Variants in IL1RAPL2 observed in about 807,000 individuals in gnomAD.
IL1RAPL2 encodes the protein X-linked interleukin-1 receptor accessory protein-like 2.
IL1RAPL2 carries 3 observed loss-of-function variants against 44.1 expected under a neutral mutation model. The observed-to-expected ratio is 0.07, with a 90% CI of 0.03 to 0.18. The LOEUF (loss-of-function observed/expected upper bound fraction) is 0.18, where lower values mean the gene tolerates loss of function less well. Ranked by LOEUF, IL1RAPL2 falls within the 10% of genes least tolerant of loss-of-function variation. The pLI is 1.00. For synonymous variants in IL1RAPL2, 181 were observed against 178.8 expected (o/e 1.01, Z -0.10); for missense variants, 391 against 496.4 (o/e 0.79, Z 2.02).
In IL1RAPL2 at chrX:105,640,771, GAT is replaced by G. The variant is rs1175653141; in HGVS notation, c.773-76592_773-76591del. On this transcript the variant is annotated intron_variant, in intron 6 of 10. Transcript: ENST00000372582. ...AGATATAGATATAGATATAGATATAGATATAGATATAGATATAGATATAGATA... is the reference window on the plus strand; with the variant it reads ...AGATATAGATATAGATATAGATATAGATAGATATAGATATAGATATAGATA... Among the ~76,000 whole-genome samples, 541 of 92,784 alleles carry G rather than the reference GAT, an allele frequency of 5.8e-3. 4 individuals carry two copies. Among genetic ancestry groups the G allele is most frequent in the African/African-American group, 0.02 (516 of 25,855 alleles). 80.6% of individuals were successfully genotyped at this position (92,784 alleles called of 115,157 possible). A position where few individuals can be genotyped will look rare whatever the true frequency, so the allele number is the denominator to read the frequency against.
intron 1 of IL1RAPL2, among the ~76,000 whole-genome samples, chrX:104,604,633 CAAAAAAAAA>C (rs36050333): frequency 6.4e-5 from 2 of 31,102 alleles, no homozygotes; most frequent in South Asian, 4.6e-3. Flanking sequence ...AAATGCATAG[CAAAAAAAAA>C]AAAAAAAAAA....
chrX:105,549,390 C>T (rs765191713), intron 6 of IL1RAPL2, among the ~76,000 whole-genome samples: 2 of 111,775 alleles, frequency 1.8e-5, no homozygotes, highest in South Asian at 7.4e-4. Context: ...CCCCTCATTT[C>T]CCTGTTGCTG....
intron 2 of IL1RAPL2, among the ~76,000 whole-genome samples, chrX:104,847,867 A>T (rs756371551): frequency 9.0e-6 from 1 of 110,784 alleles, no homozygotes; most frequent in Non-Finnish European, 1.9e-5. Context: ...CTTTTATTTC[A>T]TTGAGCATTG....
chrX:105,296,413 A>C (rs371178742), intron 5 of IL1RAPL2, among the ~76,000 whole-genome samples: 1 of 111,584 alleles, frequency 9.0e-6, no homozygotes, highest in Non-Finnish European at 1.9e-5. Flanking sequence ...GTCTTGCATT[A>C]TATTAGTTGG....
At chrX:105,497,277 C>A (rs1346261429) in intron 6 of IL1RAPL2, among the ~76,000 whole-genome samples, 2 of 110,408 alleles carry the variant, frequency 1.8e-5, no homozygotes, top group Non-Finnish European at 3.8e-5. Context: ...AATTCGAAAA[C>A]CTAGAGGAGA....
intron 6 of IL1RAPL2, among the ~76,000 whole-genome samples, chrX:105,490,844 G>A (rs1475066205): frequency 2.7e-5 from 3 of 111,578 alleles, no homozygotes; most frequent in Non-Finnish European, 5.6e-5. Flanking sequence ...GAATTGCATC[G>A]CAATATGAGA....
chrX:105,031,508 GT>G (rs1489177977), intron 2 of IL1RAPL2, among the ~76,000 whole-genome samples: 6 of 111,725 alleles, frequency 5.4e-5, no homozygotes, highest in Non-Finnish European at 1.1e-4. Context: ...TAATCATGTG[GT>G]TTTTGTCTTT....
intron 2 of IL1RAPL2, among the ~76,000 whole-genome samples, chrX:105,070,913 C>T (rs1340946315): frequency 9.0e-6 from 1 of 110,681 alleles, no homozygotes; most frequent in Admixed American, 9.7e-5. Context: ...TTCTTTGCAT[C>T]CACTAAAATT....
chrX:105,243,133 C>A (rs1325950463), intron 4 of IL1RAPL2, among the ~76,000 whole-genome samples: 1 of 110,515 alleles, frequency 9.0e-6, no homozygotes, highest in Non-Finnish European at 1.9e-5. Flanking sequence ...TGATTTGGCT[C>A]TGTATCCCCA....
intron 6 of IL1RAPL2, among the ~76,000 whole-genome samples, chrX:105,534,222 A>T (rs2036661646): frequency 8.9e-6 from 1 of 112,022 alleles, no homozygotes; most frequent in East Asian, 2.8e-4. Flanking sequence ...TGTTATACAT[A>T]ACCATTAGTA....
intron 6 of IL1RAPL2, among the ~76,000 whole-genome samples, chrX:105,582,017 C>T (rs1453724789): frequency 1.8e-5 from 2 of 111,043 alleles, no homozygotes; most frequent in Non-Finnish European, 3.8e-5. Context: ...TTAATTTATA[C>T]TATTTCTGTA....
chrX:105,079,976 G>A (rs767911615), intron 2 of IL1RAPL2, among the ~76,000 whole-genome samples: 42 of 111,936 alleles, frequency 3.8e-4, no homozygotes, highest in Non-Finnish European at 6.2e-4. Context: ...TATTCAGGTT[G>A]GTTGGCCACA....
chrX:105,033,505 A>C (rs762883742), intron 2 of IL1RAPL2, among the ~76,000 whole-genome samples: 4 of 111,518 alleles, frequency 3.6e-5, no homozygotes, highest in Admixed American at 1.9e-4. Flanking sequence ...CTGGATATGA[A>C]ATTCTGGGTT....
intron 7 of IL1RAPL2, among the ~76,000 whole-genome samples, chrX:105,718,050 A>T (rs2038271957): frequency 8.9e-6 from 1 of 112,291 alleles, no homozygotes. Flanking sequence ...GTTTATAGAT[A>T]CCAATTCTAT....
At chrX:105,316,028 C>G (rs2034838280) in intron 5 of IL1RAPL2, among the ~76,000 whole-genome samples, 1 of 111,147 alleles carries the variant, frequency 9.0e-6, no homozygotes, top group Non-Finnish European at 1.9e-5. Flanking sequence ...AATCCCAGCA[C>G]TTTTGGAGGC....
intron 2 of IL1RAPL2, among the ~76,000 whole-genome samples, chrX:105,148,540 T>G (rs1693502689): frequency 8.9e-6 from 1 of 111,897 alleles, no homozygotes; most frequent in African/African-American, 3.2e-5. Flanking sequence ...GTGCAATCTC[T>G]TACAGGCAGG....
intron 5 of IL1RAPL2, among the ~76,000 whole-genome samples, chrX:105,379,757 G>A (rs867763859): frequency 2.5e-4 from 28 of 111,735 alleles, no homozygotes; most frequent in African/African-American, 9.1e-4. Context: ...ATTAAAATAA[G>A]ATTGTGTATT....
intron 2 of IL1RAPL2, among the ~76,000 whole-genome samples, chrX:105,162,170 A>C (rs954225643): frequency 1.8e-5 from 2 of 112,155 alleles, no homozygotes; most frequent in Middle Eastern, 4.6e-3. Flanking sequence ...ACTGTATGAC[A>C]TAAGTAGGTT....
intron 6 of IL1RAPL2, among the ~76,000 whole-genome samples, chrX:105,542,682 T>A (rs1602458745): frequency 1.0e-5 from 1 of 100,005 alleles, no homozygotes; most frequent in African/African-American, 4.1e-5. Context: ...TTTTTTTATT[T>A]TTTATATTTT....
Sources: allele counts gnomAD v4.1 joint callset (sites outside exome capture counted in the v4.1 genomes callset), GRCh38; gene constraint gnomAD v4.1.1; transcripts MANE v1.5; gene names NCBI Gene and HGNC (gene_info 2026-07-23, HGNC 2026-07-21).